The following DPYSL4 variants were observed in gnomAD, a reference collection of about 807,000 sequenced individuals.
DPYSL4 encodes dihydropyrimidinase like 4.
A neutral mutation model predicts 63.4 loss-of-function variants in DPYSL4; 43 were observed. The ratio of observed to expected loss-of-function variants is 0.68; its 90% CI spans 0.53 to 0.88. DPYSL4 has a LOEUF of 0.88. Ranked by LOEUF, DPYSL4 falls within the 40% of genes least tolerant of loss-of-function variation. The probability of loss-of-function intolerance (pLI) is 0.00; values close to 1 mark genes in which losing one functional copy is unlikely to be tolerated. For synonymous variants in DPYSL4, 353 were observed against 331.7 expected (o/e 1.06, Z -0.70); for missense variants, 733 against 819.5 (o/e 0.89, Z 1.29).
intron 8 of DPYSL4, among the ~76,000 whole-genome samples, chr10:132,199,708 T>C (rs1203074064): frequency 1.4e-5 from 2 of 142,140 alleles, no homozygotes; most frequent in Non-Finnish European, 3.1e-5. Flanking sequence ...GTGGTGGTGG[T>C]GGGTGGTGCC....
At chr10:132,202,848 G>A in intron 12 of DPYSL4, 23 bp downstream of exon 12, 2 of 1,564,598 alleles carry the variant, frequency 1.3e-6, no homozygotes, top group South Asian at 1.2e-5. Flanking sequence ...CCGCAAGGGT[G>A]TTGTGCAGGT....
At position 132,186,994 on chromosome 10, in the gene DPYSL4, T is replaced by TCCGGCCCCCCCCCCCCCCCCCC; in HGVS notation, c.-68_-67insGGCCCCCCCCCCCCCCCCCCCC. 1.1e-4 allele frequency: 24 copies of TCCGGCCCCCCCCCCCCCCCCCC among 217,370 alleles called. No homozygotes were observed. The highest frequency in any genetic ancestry group is 5.2e-4 in the South Asian group (7 of 13,404). The allele number at this position is 217,370 out of a possible 1,614,324, so 13.5% of individuals were successfully genotyped here. Reference sequence around the variant, plus strand: ...CCACGCACGCGTCCCGGCTCACGCGTCCCCCCGCCCGCCCGCCCGCCCGCC... The same window carrying TCCGGCCCCCCCCCCCCCCCCCC: ...CCACGCACGCGTCCCGGCTCACGCGTCCGGCCCCCCCCCCCCCCCCCCCCCCCCGCCCGCCCGCCCGCCCGCC... On this transcript the variant is annotated 5_prime_UTR_variant, in exon 1 of 14. Transcript: ENST00000338492.
chr10:132,193,598 G>A (rs888435885), intron 3 of DPYSL4, among the ~76,000 whole-genome samples: 17 of 152,244 alleles, frequency 1.1e-4, no homozygotes, highest in African/African-American at 3.6e-4. Context: ...GCGTCCGTCT[G>A]GCACAGACAT....
intron 8 of DPYSL4, 42 bp from the exon 9 acceptor site, chr10:132,200,314 C>T (rs1159856091): frequency 6.2e-7 from 1 of 1,607,124 alleles, no homozygotes; most frequent in Non-Finnish European, 8.5e-7. Flanking sequence ...CCAGGGGGTG[C>T]AGGTGGTCGG....
At chr10:132,204,710 G>A (rs2137528336) in intron 13 of DPYSL4, 129 bp from the exon 14 acceptor site, 5 of 690,166 alleles carry the variant, frequency 7.2e-6, no homozygotes, top group Non-Finnish European at 1.1e-5. Context: ...CCTTCTGGTG[G>A]TGGCAGGTGT....
chr10:132,187,588 C>G (rs2061820623), intron 1 of DPYSL4, among the ~76,000 whole-genome samples: 1 of 152,228 alleles, frequency 6.6e-6, no homozygotes, highest in Admixed American at 6.5e-5. Flanking sequence ...GTCGCCCGCC[C>G]CTTGGACGCA....
At position 132,204,869 on chromosome 10, in the gene DPYSL4, G is replaced by C; in HGVS notation, c.1658G>C (p.Arg553Pro). The C allele has an allele frequency of 6.2e-7, 1 of 1,612,506 alleles. No individual in the cohort carries two copies. Among genetic ancestry groups the C allele is most frequent in the Middle Eastern group, 1.7e-4 (1 of 6,052 alleles). The change falls in exon 14 of 14, where the codon CGC becomes CCC. Residue 553 changes from arginine to proline, a missense_variant. Arg to Pro is a moderately radical substitution (Grantham distance 103). Transcript: ENST00000338492. ...CAGGCTGATGACCACATCGCCCGAC[G>C]CACAGCACAGAAGATCATGGCACCA... is the stretch of plus-strand genomic sequence containing the variant. ...GSQADDHIAR[R>P]TAQKIMAPPG...
Position 132,203,694 on chromosome 10 carries a change from A to G in DPYSL4, c.1462-68A>G, listed in dbSNP as rs140672635. 28 of 1,377,912 alleles carry G rather than the reference A, an allele frequency of 2.0e-5. No homozygotes were observed. In the East Asian group the frequency reaches 5.5e-4, roughly 27 times the overall value. The allele number at this position is 1,377,912 out of a possible 1,614,324, so 85.4% of individuals were successfully genotyped here. A position where few individuals can be genotyped will look rare whatever the true frequency, so the allele number is the denominator to read the frequency against. On this transcript the variant is annotated intron_variant, in intron 12 of 13. Transcript: ENST00000338492. ...GCCCATGCTCAGCCCCTCATGCCCCATCTCTGGCCCCACAGCTGCCCAGGC... is the reference window on the plus strand; with the variant it reads ...GCCCATGCTCAGCCCCTCATGCCCCGTCTCTGGCCCCACAGCTGCCCAGGC...
Position 132,198,477 on chromosome 10 carries a change from C to T in DPYSL4, c.684C>T (p.Pro228=), listed in dbSNP as rs570913049. 8.7e-6 allele frequency: 14 copies of T among 1,601,846 alleles called. No homozygotes were observed. Among genetic ancestry groups the T allele is most frequent in the South Asian group, 4.5e-5 (4 of 89,204 alleles). Reference sequence around the variant, plus strand: ...CCGAGGGCCACGTGCTCAGCCACCCCGAGGAGGTAAGATCCCAGGGCACCA... The same window carrying T: ...CCGAGGGCCACGTGCTCAGCCACCCTGAGGAGGTAAGATCCCAGGGCACCA... ...TGPEGHVLSH[P]EEVEAEAVYR... is the part of the protein sequence containing the mutation. The change falls in exon 7 of 14, where the codon CCC becomes CCT. Residue 228 remains proline (P), a synonymous_variant. Transcript: ENST00000338492.
In DPYSL4 at chr10:132,196,163, G is replaced by A. The variant is rs115762332; in HGVS notation, c.479-698G>A. Among the ~76,000 whole-genome samples the A allele has an allele frequency of 3.3e-3, 507 of 152,344 alleles. 4 individuals are homozygous for A. The highest frequency in any genetic ancestry group is 0.012 in the African/African-American group (497 of 41,576). ...CAGCGAGGAGGAGATGCCATGGGTT[G>A]GGTGGGCTTGAGTGATGGGAGGTTG... On this transcript the variant is annotated intron_variant, in intron 4 of 13. Transcript: ENST00000338492.
In DPYSL4 at chr10:132,187,054, C is replaced by T. The variant is rs1286969895; in HGVS notation, c.-10C>T. ...TTGTGCCGCCCCTACCAGAGACCCCCAGGAGCAGGATGTCCTTCCAGGGCA... is the reference window on the plus strand; with the variant it reads ...TTGTGCCGCCCCTACCAGAGACCCCTAGGAGCAGGATGTCCTTCCAGGGCA... On this transcript the variant is annotated 5_prime_UTR_variant, in exon 1 of 14. Transcript: ENST00000338492. The T allele has an allele frequency of 9.2e-6, 13 of 1,405,578 alleles. No individual in the cohort carries two copies. The highest frequency in any genetic ancestry group is 3.6e-5 in the East Asian group (1 of 28,080). 87.1% of individuals were successfully genotyped at this position (1,405,578 alleles called of 1,614,324 possible). A position where few individuals can be genotyped will look rare whatever the true frequency, so the allele number is the denominator to read the frequency against.
At position 132,203,943 on chromosome 10, in the gene DPYSL4, G is replaced by T. The variant is rs201389968; in HGVS notation, c.1627+16G>T. The T allele has an allele frequency of 3.2e-4, 514 of 1,585,598 alleles. 1 individual carries two copies. The highest frequency in any genetic ancestry group is 6.0e-5 in the Non-Finnish European group (69 of 1,159,638). Reference sequence around the variant, plus strand: ...AGCCTATCTGGTGAGTTGGGCCTGGGGCACCAGTGGGGGTGAGGGGCTCTG... The same window carrying T: ...AGCCTATCTGGTGAGTTGGGCCTGGTGCACCAGTGGGGGTGAGGGGCTCTG... On this transcript the variant is annotated intron_variant, in intron 13 of 13. Transcript: ENST00000338492.
At chr10:132,201,061 C>G in intron 10 of DPYSL4, 78 bp downstream of exon 10, 7 of 1,551,392 alleles carry the variant, frequency 4.5e-6, no homozygotes, top group Non-Finnish European at 5.2e-6. Flanking sequence ...CAGAAGGGAG[C>G]CCATCTAACC....
In DPYSL4 at chr10:132,198,903, G is replaced by A. The variant is rs755071932; in HGVS notation, c.743G>A (p.Cys248Tyr). Reference sequence around the variant, plus strand: ...GTCACCATCGCCAAGCAGGCAAACTGCCCGCTGTACGTCACCAAGGTGATG... The same window carrying A: ...GTCACCATCGCCAAGCAGGCAAACTACCCGCTGTACGTCACCAAGGTGATG... ...RAVTIAKQAN[C>Y]PLYVTKVMSK... The change falls in exon 8 of 14, where the codon TGC (cysteine) becomes TAC (tyrosine). Residue 248 changes from cysteine (C) to tyrosine (Y), a missense_variant. Cys to Tyr is a radical substitution (Grantham distance 194, BLOSUM62 -2). Coordinates refer to ENST00000338492, the MANE Select transcript of DPYSL4 (RefSeq NM_006426.3). 6.2e-7 allele frequency: 1 copy of A among 1,612,960 alleles called. No homozygotes were observed.
Position 132,204,853 on chromosome 10 carries a change from G to C in DPYSL4, c.1642G>C (p.Asp548His), listed in dbSNP as rs372652497. 6.2e-7 allele frequency: 1 copy of C among 1,611,044 alleles called. No individual in the cohort carries two copies. The highest frequency in any genetic ancestry group is 1.3e-5 in the African/African-American group (1 of 74,806). ...GFSLSGSQAD[D>H]HIARRTAQKI... ...CCTTTCTTCAGGGTCTCAGGCTGAT[G>C]ACCACATCGCCCGACGCACAGCACA... The change falls in exon 14 of 14, where the codon GAC (aspartate) becomes CAC (histidine). Residue 548 changes from aspartate to histidine, a missense_variant. Coordinates refer to ENST00000338492, the MANE Select transcript of DPYSL4 (RefSeq NM_006426.3).
In DPYSL4 at chr10:132,200,968, C is replaced by T. The variant is rs199724051; in HGVS notation, c.1095C>T (p.Val365=). 2.5e-6 allele frequency: 4 copies of T among 1,613,140 alleles called. No individual in the cohort carries two copies. The East Asian group carries it at 8.9e-5, about 36-fold the overall frequency. ...TNGIEERMSM[V]WEKCVASGKM... Reference sequence around the variant, plus strand: ...GCATTGAGGAGCGCATGTCGATGGTCTGGGAGAAATGTGTGGTGAGCACAG... The same window carrying T: ...GCATTGAGGAGCGCATGTCGATGGTTTGGGAGAAATGTGTGGTGAGCACAG... The change falls in exon 10 of 14, where the codon GTC becomes GTT. Residue 365 remains valine, a synonymous_variant. Transcript: ENST00000338492.
intron 12 of DPYSL4, among the ~76,000 whole-genome samples, chr10:132,203,209 C>A (rs879425243): frequency 6.6e-6 from 1 of 152,210 alleles, no homozygotes. Flanking sequence ...CATGGACAGA[C>A]GTGCACGCTG....
At chr10:132,204,798 C>CCTGCCT (rs772856351) in intron 13 of DPYSL4, 41 bp from the exon 14 acceptor site, 109 of 1,554,816 alleles carry the variant, frequency 7.0e-5, no homozygotes, top group South Asian at 8.4e-5. Context: ...GGCCCCTGCC[C>CCTGCCT]CTGCCTCATT....
At chr10:132,188,663 C>G (rs1398891460) in intron 1 of DPYSL4, among the ~76,000 whole-genome samples, 1 of 152,246 alleles carries the variant, frequency 6.6e-6, no homozygotes. Context: ...ATGTTGTCAG[C>G]TTTGCGGACC....
Sources: allele counts gnomAD v4.1 joint callset (sites outside exome capture counted in the v4.1 genomes callset), GRCh38; gene constraint gnomAD v4.1.1; transcripts MANE v1.5; gene names NCBI Gene and HGNC (gene_info 2026-07-23, HGNC 2026-07-21).